TMEM245: variants seen among roughly 807,000 people sequenced by gnomAD.
TMEM245 encodes transmembrane protein 245.
Under a neutral mutation model 101.2 loss-of-function variants are expected in TMEM245, and 69 were observed. The ratio of observed to expected loss-of-function variants is 0.68; its 90% CI spans 0.56 to 0.83. TMEM245 has a LOEUF of 0.83. TMEM245 is among the 40% of genes least tolerant of loss of function. The pLI is 0.00. For synonymous variants in TMEM245, 537 were observed against 449.8 expected, an observed-to-expected ratio of 1.19 and a Z score of -2.45; for missense variants, 1,075 against 1,092.8, an observed-to-expected ratio of 0.98 and a Z score of 0.23.
At chr9:109,024,561 T>C (rs1224422244) in intron 17 of TMEM245, among the ~76,000 whole-genome samples, 1 of 152,198 alleles carries the variant, frequency 6.6e-6, no homozygotes, top group Non-Finnish European at 1.5e-5. Flanking sequence ...CCAACAGAAG[T>C]GTAAGATACC....
At chr9:109,041,453 A>ATTTTTTTTTTTTTT (rs1193341550) in intron 14 of TMEM245, among the ~76,000 whole-genome samples, 1 of 83,208 alleles carries the variant, frequency 1.2e-5, no homozygotes, top group African/African-American at 5.0e-5. Context: ...CATCCTACAA[A>ATTTTTTTTTTTTTT]TTTTTTTTTT....
At chr9:109,111,166 A>C (rs1346623022) in intron 1 of TMEM245, among the ~76,000 whole-genome samples, 1 of 152,198 alleles carries the variant, frequency 6.6e-6, no homozygotes, top group African/African-American at 2.4e-5. Flanking sequence ...TGGGAGAGGC[A>C]TAAGACTTGA....
At position 109,050,597 on chromosome 9, in the gene TMEM245, T is replaced by C. The variant is rs191001473; in HGVS notation, c.1950A>G (p.Thr650=). 1,400 of 1,613,844 alleles carry C rather than the reference T, an allele frequency of 8.7e-4. No individual in the cohort carries two copies. Among genetic ancestry groups the C allele is most frequent in the Non-Finnish European group, 1.1e-3 (1,276 of 1,179,964 alleles). The change falls in exon 13 of 18, where the codon ACA becomes ACG. Residue 650 remains threonine, a synonymous_variant. Coordinates refer to ENST00000374586, the MANE Select transcript of TMEM245 (RefSeq NM_032012.4). Reference sequence around the variant, plus strand: ...GAGAGAGTACAAAATTGAGAAGGGCTGTCCCGCTGTAGAAGAGGATGGTCA... The same window carrying C: ...GAGAGAGTACAAAATTGAGAAGGGCCGTCCCGCTGTAGAAGAGGATGGTCA... The part of the protein sequence containing the change: ...TLLTILFYSG[T]ALLNFVLSLI...
chr9:109,062,326 T>C (rs1032674359), intron 10 of TMEM245, among the ~76,000 whole-genome samples: 3 of 152,210 alleles, frequency 2.0e-5, no homozygotes, highest in East Asian at 1.9e-4. Flanking sequence ...GCTCTTGCTA[T>C]GCATTGGTAA....
At chr9:109,040,331 AT>A (rs1356031646) in intron 14 of TMEM245, among the ~76,000 whole-genome samples, 4 of 152,232 alleles carry the variant, frequency 2.6e-5, no homozygotes, top group African/African-American at 9.6e-5. Context: ...CTTCTTTTTT[AT>A]ATCAGCTTTA....
Position 109,108,483 on chromosome 9 carries a change from G to A in TMEM245, c.667C>T (p.Pro223Ser), listed in dbSNP as rs1830487190. 3 of 1,589,486 alleles carry A rather than the reference G, an allele frequency of 1.9e-6. No homozygotes were observed. The highest frequency in any genetic ancestry group is 2.6e-6 in the Non-Finnish European group (3 of 1,168,444). Residue 223 changes from proline (P) to serine (S), a missense_variant, in exon 2 of 18, where the codon CCT becomes TCT. Pro to Ser is a moderately conservative substitution (Grantham distance 74). Transcript: ENST00000374586. Reference protein sequence around the residue: ...TERYLRAVSIPVWIILLFHLA... With the variant: ...TERYLRAVSISVWIILLFHLA... Reference sequence around the variant, plus strand: ...TGAAAAAGCAATATAATCCAGACAGGAATTGAAACTGCTCTCAAGTAGCGT... The same window carrying A: ...TGAAAAAGCAATATAATCCAGACAGAAATTGAAACTGCTCTCAAGTAGCGT...
At chr9:109,105,826 A>T (rs1416376084) in intron 3 of TMEM245, among the ~76,000 whole-genome samples, 1 of 151,798 alleles carries the variant, frequency 6.6e-6, no homozygotes, top group Admixed American at 6.6e-5. Flanking sequence ...GCTGGAGTGC[A>T]GTGGTGCGAT....
In TMEM245 at chr9:109,108,510, C is replaced by CAGTGCTTGCATTCCACTTGAA. The variant is rs761581040; in HGVS notation, c.619_639dup (p.Phe207_Thr213dup). ...ATTGAAACTGCTCTCAAGTAGCGTT[C>CAGTGCTTGCATTCCACTTGAA]AGTGCTTGCATTCCACTTGAATGAA... On this transcript the variant is annotated inframe_insertion, in exon 2 of 18. Transcript: ENST00000374586. The CAGTGCTTGCATTCCACTTGAA allele has an allele frequency of 6.2e-7, 1 of 1,608,630 alleles. No homozygotes were observed. Among genetic ancestry groups the CAGTGCTTGCATTCCACTTGAA allele is most frequent in the South Asian group, 1.1e-5 (1 of 90,128 alleles).
intron 17 of TMEM245, among the ~76,000 whole-genome samples, chr9:109,030,202 A>G (rs913188621): frequency 6.6e-6 from 1 of 152,098 alleles, no homozygotes; most frequent in Admixed American, 6.5e-5. Flanking sequence ...CAGGGTCAAA[A>G]AGTGGTTCCT....
At chr9:109,087,652 C>CTA (rs1011868982) in intron 5 of TMEM245, among the ~76,000 whole-genome samples, 1 of 152,194 alleles carries the variant, frequency 6.6e-6, no homozygotes, top group Non-Finnish European at 1.5e-5. Flanking sequence ...ATTTCAGTGA[C>CTA]TACAATTCTG....
chr9:109,102,472 C>A (rs1024840862), intron 3 of TMEM245, among the ~76,000 whole-genome samples: 1 of 152,040 alleles, frequency 6.6e-6, no homozygotes, highest in Non-Finnish European at 1.5e-5. Flanking sequence ...ACCAGAGTAC[C>A]ACAAACAGCC....
Position 109,119,697 on chromosome 9 carries a change from CCAGCACCG to C in TMEM245, c.209_216del (p.Ala70GlyfsTer142), listed in dbSNP as rs1564219601. The C allele has an allele frequency of 3.2e-6, 5 of 1,552,210 alleles. No homozygotes were observed. Among genetic ancestry groups the C allele is most frequent in the Non-Finnish European group, 4.3e-6 (5 of 1,152,416 alleles). On this transcript the variant is annotated frameshift_variant, in exon 1 of 18. Transcript: ENST00000374586. LOFTEE classifies it high-confidence loss of function. The stretch of plus-strand genomic sequence containing the variant: ...AGGAAGGCCTCCAGGATGAAGTAGA[CCAGCACCG>C]CGGCGCCGCAGCACAGGCACACGAA...
At chr9:109,088,995 C>T (rs960517783) in intron 5 of TMEM245, among the ~76,000 whole-genome samples, 2 of 151,750 alleles carry the variant, frequency 1.3e-5, no homozygotes, top group African/African-American at 2.4e-5. Flanking sequence ...ACATATAGGC[C>T]GGGGACGGTG....
At chr9:109,073,639 T>C (rs1464513375) in intron 8 of TMEM245, among the ~76,000 whole-genome samples, 2 of 152,194 alleles carry the variant, frequency 1.3e-5, no homozygotes, top group Non-Finnish European at 2.9e-5. Context: ...AAAAAGTACA[T>C]GCTAGCTCCC....
chr9:109,073,949 C>T (rs1282562921), intron 8 of TMEM245, among the ~76,000 whole-genome samples: 1 of 151,364 alleles, frequency 6.6e-6, no homozygotes, highest in Non-Finnish European at 1.5e-5. Context: ...TAACCTCCAC[C>T]CCCCACGTTC....
At chr9:109,080,748 T>C in intron 8 of TMEM245, 91 bp downstream of exon 8, 1 of 782,676 alleles carries the variant, frequency 1.3e-6, no homozygotes, top group Non-Finnish European at 2.1e-6. Context: ...CAAGTTAACA[T>C]TTTCCATGCC....
intron 17 of TMEM245, among the ~76,000 whole-genome samples, chr9:109,024,725 C>T (rs1827745585): frequency 6.6e-6 from 1 of 152,182 alleles, no homozygotes; most frequent in African/African-American, 2.4e-5. Context: ...ATGACACTGC[C>T]TTCTGGTAAC....
chr9:109,108,757 T>C (rs1265498279), intron 1 of TMEM245, among the ~76,000 whole-genome samples, 187 bp from the exon 2 acceptor site: 4 of 152,184 alleles, frequency 2.6e-5, no homozygotes, highest in Admixed American at 6.5e-5. Flanking sequence ...TTTGAAATAC[T>C]AGGCATTTGA....
At chr9:109,093,200 A>G (rs1830054656) in intron 4 of TMEM245, among the ~76,000 whole-genome samples, 2 of 152,146 alleles carry the variant, frequency 1.3e-5, no homozygotes, top group South Asian at 2.1e-4. Flanking sequence ...AAAGCAATGA[A>G]TAACAGAAGA....
Sources: allele counts gnomAD v4.1 joint callset (sites outside exome capture counted in the v4.1 genomes callset), GRCh38; gene constraint gnomAD v4.1.1; transcripts MANE v1.5; gene names NCBI Gene and HGNC (gene_info 2026-07-23, HGNC 2026-07-21).